Variants in CAPZB observed in about 807,000 individuals in gnomAD.
The protein encoded by CAPZB is capping actin protein of muscle Z-line subunit beta, also known as F-actin-capping protein subunit beta.
In CAPZB, 2 loss-of-function variants were observed where a neutral mutation model predicts 38.1. The ratio of observed to expected loss-of-function variants is 0.05; its 90% CI spans 0.02 to 0.17. The LOEUF is 0.17. Ranked by LOEUF, CAPZB falls within the 10% of genes least tolerant of loss-of-function variation. CAPZB has a pLI of 1.00. For synonymous variants in CAPZB, 107 were observed against 127.4 expected, an observed-to-expected ratio of 0.84 and a Z score of 1.08; for missense variants, 161 against 334.2, an observed-to-expected ratio of 0.48 and a Z score of 4.04.
chr1:19,456,219 C>T (rs1006498935), intron 1 of CAPZB, among the ~76,000 whole-genome samples: 4 of 152,266 alleles, frequency 2.6e-5, no homozygotes, highest in Admixed American at 6.5e-5. Context: ...GTCCACAAGG[C>T]TCATAATTTT....
chr1:19,363,215 G>A (rs1448436921), intron 4 of CAPZB, among the ~76,000 whole-genome samples: 3 of 150,056 alleles, frequency 2.0e-5, no homozygotes, highest in African/African-American at 7.4e-5. Context: ...CCAAGCAGCT[G>A]GGACCACAGG....
intron 2 of CAPZB, among the ~76,000 whole-genome samples, chr1:19,398,334 A>G (rs1218735487): frequency 1.3e-5 from 2 of 151,682 alleles, no homozygotes; most frequent in African/African-American, 4.8e-5. Flanking sequence ...CTTTGAAGCC[A>G]CAGCAGAGGC....
intron 1 of CAPZB, among the ~76,000 whole-genome samples, chr1:19,426,826 G>C (rs2100553338): frequency 6.6e-6 from 1 of 152,342 alleles, no homozygotes; most frequent in Middle Eastern, 3.4e-3. Context: ...TAAGTCACTA[G>C]GTTTCGGGAT....
chr1:19,369,392 TTC>T (rs1226589167), intron 4 of CAPZB, among the ~76,000 whole-genome samples: 3 of 152,238 alleles, frequency 2.0e-5, no homozygotes, highest in Non-Finnish European at 2.9e-5. Flanking sequence ...CTCCAGACCT[TTC>T]TCTCTGCTCT....
intron 4 of CAPZB, among the ~76,000 whole-genome samples, chr1:19,358,877 G>T (rs2094036504): frequency 6.6e-6 from 1 of 152,316 alleles, no homozygotes; most frequent in African/African-American, 2.4e-5. Context: ...GCCGCAGAGT[G>T]CACTGGGTGG....
chr1:19,351,685 T>G (rs2093992263), intron 6 of CAPZB, among the ~76,000 whole-genome samples: 1 of 152,210 alleles, frequency 6.6e-6, no homozygotes, highest in Non-Finnish European at 1.5e-5. Flanking sequence ...AGGATCTGAA[T>G]CAAGGTCTGG....
chr1:19,383,951 T>G (rs926235925), intron 3 of CAPZB, among the ~76,000 whole-genome samples: 3 of 152,110 alleles, frequency 2.0e-5, no homozygotes, highest in African/African-American at 7.2e-5. Flanking sequence ...TCACCACTTC[T>G]CACCATTTCA....
chr1:19,457,534 T>C (rs1036139434), intron 1 of CAPZB, among the ~76,000 whole-genome samples: 6 of 152,122 alleles, frequency 3.9e-5, no homozygotes, highest in African/African-American at 9.7e-5. Context: ...AGAAATGACA[T>C]TGCAACCCGC....
Position 19,378,705 on chromosome 1 carries a change from G to A in CAPZB, c.216-52C>T, listed in dbSNP as rs778034811. The A allele has an allele frequency of 7.0e-6, 7 of 1,001,604 alleles. No individual in the cohort carries two copies. In the East Asian group the frequency reaches 1.0e-4, roughly 14 times the overall value. The allele number at this position is 1,001,604 out of a possible 1,614,324, so 62.0% of individuals were successfully genotyped here. ...ACCATGAATCGTTCCATGAAGACAC[G>A]GCCAGCGAGCAGGGAGCCTGAGCCC... On this transcript the variant is annotated intron_variant, in intron 3 of 8. Coordinates refer to ENST00000264202, the MANE Select transcript of CAPZB (RefSeq NM_004930.5).
chr1:19,366,061 T>C (rs949799568), intron 4 of CAPZB, among the ~76,000 whole-genome samples: 13 of 151,954 alleles, frequency 8.6e-5, no homozygotes, highest in Non-Finnish European at 1.6e-4. Context: ...TCCACGAGTC[T>C]TTCTTCTCCT....
chr1:19,457,468 C>G (rs941846592), intron 1 of CAPZB, among the ~76,000 whole-genome samples: 3 of 152,198 alleles, frequency 2.0e-5, no homozygotes, highest in Non-Finnish European at 4.4e-5. Context: ...ATACTATGTA[C>G]TGATAATTCT....
chr1:19,462,156 A>G (rs1419585698), intron 1 of CAPZB, among the ~76,000 whole-genome samples: 1 of 149,286 alleles, frequency 6.7e-6, no homozygotes, highest in Non-Finnish European at 1.5e-5. Context: ...CATCTCTTTA[A>G]AAAAAAAAAA....
intron 1 of CAPZB, among the ~76,000 whole-genome samples, chr1:19,427,085 TG>T (rs1412966346): frequency 6.6e-6 from 1 of 152,236 alleles, no homozygotes; most frequent in African/African-American, 2.4e-5. Flanking sequence ...GTTTCCTAGC[TG>T]GGGCCAACTG....
At chr1:19,441,003 T>A (rs1415097093) in intron 1 of CAPZB, among the ~76,000 whole-genome samples, 1 of 152,086 alleles carries the variant, frequency 6.6e-6, no homozygotes. Flanking sequence ...GAGCTTGCAG[T>A]GAGCTGAGAT....
chr1:19,450,143 CCAAAAAAAAA>C (rs1558272807), intron 1 of CAPZB, among the ~76,000 whole-genome samples: 5 of 39,044 alleles, frequency 1.3e-4, no homozygotes, highest in Admixed American at 2.9e-4. Context: ...GACCCTGTCT[CCAAAAAAAAA>C]AAAAAAAAAA....
At chr1:19,344,313 A>G in intron 8 of CAPZB, 45 bp downstream of exon 8, 1 of 1,521,532 alleles carries the variant, frequency 6.6e-7, no homozygotes, top group East Asian at 2.3e-5. Flanking sequence ...CCAGGGTTCA[A>G]ATCCCTCTGT....
chr1:19,447,487 G>A lies in CAPZB; in HGVS notation c.4-27737C>T, dbSNP rs567486163. Among the ~76,000 whole-genome samples the A allele has an allele frequency of 8.0e-5, 12 of 150,328 alleles. No homozygotes were observed. The South Asian group carries it at 1.7e-3, about 21-fold the overall frequency. On this transcript the variant is annotated intron_variant, in intron 1 of 8. Coordinates refer to ENST00000264202, the MANE Select transcript of CAPZB (RefSeq NM_004930.5). ...TGACCTCGGGTGATCTGCCCACCTC[G>A]GCCTCCTAAAGTGCTGGGATTATAG...
chr1:19,342,719 T>C (rs2093937179), intron 8 of CAPZB: 1 of 1,367,390 alleles, frequency 7.3e-7, no homozygotes, highest in South Asian at 1.2e-5. Flanking sequence ...CCTGTTTTAG[T>C]GGGGAGGGTC....
intron 4 of CAPZB, among the ~76,000 whole-genome samples, chr1:19,364,362 C>T (rs1473290264): frequency 6.6e-6 from 1 of 152,214 alleles, no homozygotes; most frequent in African/African-American, 2.4e-5. Context: ...TGTCAAACTG[C>T]TGCTTACACA....
Sources: gnomAD v4.1 joint callset for allele counts (sites outside exome capture counted in the v4.1 genomes callset) on GRCh38, gnomAD v4.1.1 for gene constraint, MANE v1.5 for transcripts, NCBI Gene and HGNC (gene_info 2026-07-23, HGNC 2026-07-21) for gene names.